PPP1R12B: variants seen among roughly 807,000 people sequenced by gnomAD.
PPP1R12B encodes the protein myosin phosphatase target subunit 2.
In PPP1R12B, 76 loss-of-function variants were observed where a neutral mutation model predicts 126.1. The ratio of observed to expected loss-of-function variants is 0.60; its 90% confidence interval spans 0.50 to 0.73. PPP1R12B has a LOEUF of 0.73. Ranked by LOEUF, PPP1R12B falls within the 30% of genes least tolerant of loss-of-function variation. PPP1R12B has a pLI of 0.00. For missense variants in PPP1R12B, 1,052 were observed against 1,205.1 expected (o/e 0.87, Z 1.88); for synonymous variants, 356 against 434.7 (o/e 0.82, Z 2.25).
At chr1:202,540,151 A>G in intron 18 of PPP1R12B, 3 of 1,608,630 alleles carry the variant, frequency 1.9e-6, no homozygotes, top group South Asian at 1.1e-5. Flanking sequence ...TGTCCTCTTT[A>G]TATACCCGAA....
chr1:202,466,459 CT>C (rs34474600), intron 13 of PPP1R12B, among the ~76,000 whole-genome samples: 11 of 148,636 alleles, frequency 7.4e-5, no homozygotes, highest in East Asian at 3.9e-4. Flanking sequence ...CTTTTTAGCC[CT>C]TTTTTTTTTC....
chr1:202,369,103 T>G (rs1283773568), intron 1 of PPP1R12B, among the ~76,000 whole-genome samples: 1 of 152,220 alleles, frequency 6.6e-6, no homozygotes, highest in Non-Finnish European at 1.5e-5. Flanking sequence ...TACCTTATCT[T>G]TAGTCTTTGC....
At chr1:202,408,701 A>G (rs1432952248) in intron 1 of PPP1R12B, among the ~76,000 whole-genome samples, 1 of 152,152 alleles carries the variant, frequency 6.6e-6, no homozygotes, top group Non-Finnish European at 1.5e-5. Context: ...GCATGTATAT[A>G]CCATATTTTA....
chr1:202,567,160 A>G (rs746599532), intron 21 of PPP1R12B, among the ~76,000 whole-genome samples: 1 of 152,222 alleles, frequency 6.6e-6, no homozygotes, highest in Non-Finnish European at 1.5e-5. Flanking sequence ...AATATATAAG[A>G]CAGATGAAAG....
chr1:202,513,466 C>A (rs747013107), intron 18 of PPP1R12B, among the ~76,000 whole-genome samples: 8 of 152,062 alleles, frequency 5.3e-5, no homozygotes, highest in Admixed American at 1.3e-4. Context: ...TTTGGACATG[C>A]TGAGTTCAAG....
At chr1:202,575,826 C>G (rs1487403610) in intron 23 of PPP1R12B, 1 of 152,142 alleles carries the variant, frequency 6.6e-6, no homozygotes, top group Non-Finnish European at 1.5e-5. Flanking sequence ...GAACCACAGC[C>G]CTTTGGATAC....
At chr1:202,497,831 A>G (rs1285193724) in intron 18 of PPP1R12B, among the ~76,000 whole-genome samples, 1 of 152,078 alleles carries the variant, frequency 6.6e-6, no homozygotes, top group East Asian at 1.9e-4. Flanking sequence ...AATTATAGCA[A>G]CTCTTAGTTT....
chr1:202,482,310 C>T (rs537757690), intron 13 of PPP1R12B, among the ~76,000 whole-genome samples: 59 of 152,256 alleles, frequency 3.9e-4, no homozygotes, highest in African/African-American at 1.3e-3. Context: ...AAGGAACCTC[C>T]ATACTGTTTT....
intron 23 of PPP1R12B, among the ~76,000 whole-genome samples, chr1:202,573,699 T>G (rs1292526922): frequency 6.6e-6 from 1 of 152,202 alleles, no homozygotes; most frequent in East Asian, 1.9e-4. Context: ...TTCCAATTAT[T>G]AAAGTCTTTA....
At chr1:202,488,388 G>A in intron 13 of PPP1R12B, 145 bp from the exon 14 acceptor site, 1 of 613,688 alleles carries the variant, frequency 1.6e-6, no homozygotes, top group Non-Finnish European at 2.8e-6. Flanking sequence ...GTTTGCTGAT[G>A]GTTGATAGCA....
chr1:202,354,168 G>C (rs10800830), intron 1 of PPP1R12B, among the ~76,000 whole-genome samples: 66,044 of 151,922 alleles, frequency 0.43, 15,725 homozygotes, highest in East Asian at 0.71. Flanking sequence ...GTGTAGCATC[G>C]TATGAGTTTT....
At chr1:202,418,848 G>A (rs1486148044) in intron 2 of PPP1R12B, among the ~76,000 whole-genome samples, 3 of 151,838 alleles carry the variant, frequency 2.0e-5, no homozygotes, top group Admixed American at 1.3e-4. Flanking sequence ...GTTCATTTCG[G>A]TTGCTTTACC....
chr1:202,349,064 C>T lies in PPP1R12B; in HGVS notation c.213C>T (p.Thr71=), dbSNP rs775486640. ...TGGCCGCCTGCTCTAGCGGGGACAC[C>T]GACGAGGTGAGAAAGCTTCTGGCAA... The part of the protein sequence containing the change: ...VFLAACSSGD[T]DEVRKLLARG... The change falls in exon 1 of 24, where the codon ACC becomes ACT. Residue 71 remains threonine (T), a synonymous_variant. Coordinates refer to ENST00000608999, the MANE Select transcript of PPP1R12B (RefSeq NM_002481.4). The T allele has an allele frequency of 1.9e-6, 3 of 1,614,088 alleles. No homozygotes were observed. In the East Asian group the frequency reaches 6.7e-5, roughly 36 times the overall value.
intron 1 of PPP1R12B, among the ~76,000 whole-genome samples, chr1:202,408,226 A>G (rs1666885327): frequency 6.6e-6 from 1 of 152,134 alleles, no homozygotes; most frequent in Non-Finnish European, 1.5e-5. Flanking sequence ...GTTGGGTTTC[A>G]CAGGGACCTC....
intron 13 of PPP1R12B, among the ~76,000 whole-genome samples, chr1:202,474,474 C>T (rs1475670430): frequency 6.6e-6 from 1 of 152,116 alleles, no homozygotes; most frequent in Non-Finnish European, 1.5e-5. Flanking sequence ...GACATGGTTT[C>T]ACTGTGTTGG....
At chr1:202,420,027 T>C (rs1461377276) in intron 2 of PPP1R12B, among the ~76,000 whole-genome samples, 4 of 152,236 alleles carry the variant, frequency 2.6e-5, no homozygotes, top group Non-Finnish European at 5.9e-5. Context: ...CATAAGATAA[T>C]GTGAACATAG....
chr1:202,385,960 G>T (rs1450366044), intron 1 of PPP1R12B, among the ~76,000 whole-genome samples: 8 of 151,358 alleles, frequency 5.3e-5, no homozygotes, highest in Admixed American at 4.6e-4. Context: ...TTGAGACGGA[G>T]TCTTGCTCTG....
At chr1:202,423,683 T>G (rs1669113783) in intron 3 of PPP1R12B, among the ~76,000 whole-genome samples, 1 of 152,120 alleles carries the variant, frequency 6.6e-6, no homozygotes, top group Non-Finnish European at 1.5e-5. Context: ...TTTTGTTTGT[T>G]TGTTTGTTTT....
rs369088906 is a variant in PPP1R12B at position 202,430,525 on chromosome 1, C to T, written c.922-206C>T. 2.8e-4 allele frequency among the ~76,000 whole-genome samples: 42 copies of T among 152,146 alleles called. 1 individual carries two copies. The South Asian group carries it at 5.6e-3, about 20-fold the overall frequency. ...GCAGTTTTATTGAAGTTCTTAACAC[C>T]ATGGCTTTTCTCTTCTACCTTGGAT... is the stretch of plus-strand genomic sequence containing the variant. On this transcript the variant is annotated intron_variant, in intron 6 of 23. Coordinates refer to ENST00000608999, the MANE Select transcript of PPP1R12B (RefSeq NM_002481.4).
Sources: gnomAD v4.1 joint callset for allele counts (sites outside exome capture counted in the v4.1 genomes callset) on GRCh38, gnomAD v4.1.1 for gene constraint, MANE v1.5 for transcripts, NCBI Gene and HGNC (gene_info 2026-07-23, HGNC 2026-07-21) for gene names.